MECOM: variants seen among roughly 807,000 people sequenced by gnomAD.
MECOM encodes the protein MDS1 and EVI1 complex locus, also known as histone-lysine N-methyltransferase MECOM.
A neutral mutation model predicts 116.3 loss-of-function variants in MECOM; 13 were observed. The ratio of observed to expected loss-of-function variants is 0.11; its 90% CI spans 0.07 to 0.18. The LOEUF (loss-of-function observed/expected upper bound fraction) is 0.18. MECOM is among the 10% of genes least tolerant of loss of function. MECOM has a pLI of 1.00. For synonymous variants in MECOM, 528 were observed against 535.2 expected (o/e 0.99, Z 0.19); for missense variants, 1,299 against 1,509.0 (o/e 0.86, Z 2.31).
chr3:169,202,171 T>A (rs1749246185), intron 2 of MECOM, among the ~76,000 whole-genome samples: 1 of 152,154 alleles, frequency 6.6e-6, no homozygotes, highest in South Asian at 2.1e-4. Flanking sequence ...TTGAAAACCA[T>A]GTGCTCAAAA....
At chr3:169,498,327 C>A (rs1018152150) in intron 1 of MECOM, among the ~76,000 whole-genome samples, 1 of 152,004 alleles carries the variant, frequency 6.6e-6, no homozygotes, top group Admixed American at 6.6e-5. Flanking sequence ...CCAAAATTGC[C>A]CCCTGTTCAA....
Position 169,116,598 on chromosome 3 carries a change from C to T in MECOM, c.1274G>A (p.Arg425Lys), listed in dbSNP as rs1320004856. 2 of 1,614,188 alleles carry T rather than the reference C, an allele frequency of 1.2e-6. No individual in the cohort carries two copies. The highest frequency in any genetic ancestry group is 8.5e-7 in the Non-Finnish European group (1 of 1,180,034). The stretch of plus-strand genomic sequence containing the variant: ...AAAATGGTTCTTGCCCTCACAAAAC[C>T]TCCTGTGTTTATTTAAGGAAGACGT... ...STTSSLNKHR[R>K]FCEGKNHFAA... is the part of the protein sequence containing the mutation. Residue 425 changes from arginine (R) to lysine (K), a missense_variant, in exon 8 of 17, where the codon AGG becomes AAG. By Grantham distance (26) the Arg-to-Lys change is conservative. This residue lies in a region of MECOM where 42 missense variants were observed against 103.9 expected (regional missense o/e 0.40). Coordinates refer to ENST00000651503, the MANE Select transcript of MECOM (RefSeq NM_004991.4).
intron 2 of MECOM, among the ~76,000 whole-genome samples, chr3:169,230,009 T>G (rs1255894451): frequency 6.6e-6 from 1 of 152,144 alleles, no homozygotes; most frequent in African/African-American, 2.4e-5. Flanking sequence ...CTTTCTTTAC[T>G]CCAATGTCAA....
intron 1 of MECOM, among the ~76,000 whole-genome samples, chr3:169,471,770 A>G (rs1199787328): frequency 6.6e-6 from 1 of 152,204 alleles, no homozygotes; most frequent in Non-Finnish European, 1.5e-5. Flanking sequence ...AAGCACTTCC[A>G]TGTCGTTTCC....
At chr3:169,529,790 G>C (rs569722023) in intron 1 of MECOM, among the ~76,000 whole-genome samples, 20 of 152,226 alleles carry the variant, frequency 1.3e-4, no homozygotes, top group African/African-American at 4.6e-4. Context: ...CTTTGTACTG[G>C]TCCAGCACCC....
intron 1 of MECOM, among the ~76,000 whole-genome samples, chr3:169,417,648 C>T (rs1159775838): frequency 1.3e-5 from 2 of 151,516 alleles, no homozygotes; most frequent in Non-Finnish European, 1.5e-5. Flanking sequence ...GCTATAAAGA[C>T]ACATGCACAC....
intron 1 of MECOM, among the ~76,000 whole-genome samples, chr3:169,648,953 T>G (rs1774519227): frequency 6.6e-6 from 1 of 152,204 alleles, no homozygotes; most frequent in South Asian, 2.1e-4. Flanking sequence ...AGAGAACTTG[T>G]TCTTGAACTG....
intron 2 of MECOM, among the ~76,000 whole-genome samples, chr3:169,177,879 A>G (rs1745395605): frequency 1.3e-5 from 2 of 151,842 alleles, no homozygotes; most frequent in Admixed American, 1.3e-4. Flanking sequence ...GATCCCAGCC[A>G]CTGCACTCCA....
chr3:169,653,363 G>GA (rs1775153016), intron 1 of MECOM, among the ~76,000 whole-genome samples: 1 of 152,016 alleles, frequency 6.6e-6, no homozygotes, highest in Non-Finnish European at 1.5e-5. Flanking sequence ...AGTTTACCTA[G>GA]AAAAATAAGA....
intron 2 of MECOM, among the ~76,000 whole-genome samples, chr3:169,332,820 A>G (rs919080723): frequency 9.2e-5 from 14 of 152,180 alleles, no homozygotes; most frequent in African/African-American, 3.4e-4. Flanking sequence ...TTTGTCTTAA[A>G]TAATTCAGAT....
intron 11 of MECOM, 50 bp downstream of exon 11, chr3:169,102,010 A>G: frequency 6.5e-7 from 1 of 1,549,776 alleles, no homozygotes; most frequent in Non-Finnish European, 8.7e-7. Flanking sequence ...ACCTTTTGAA[A>G]TCAGAGGGGA....
intron 3 of MECOM, among the ~76,000 whole-genome samples, chr3:169,141,226 A>G (rs1738013428): frequency 6.6e-6 from 1 of 152,036 alleles, no homozygotes. Context: ...TTTAGAGTCC[A>G]GGATTTATAC....
intron 2 of MECOM, among the ~76,000 whole-genome samples, chr3:169,154,367 G>C (rs1305226451): frequency 1.3e-5 from 2 of 152,032 alleles, no homozygotes; most frequent in African/African-American, 4.8e-5. Flanking sequence ...TTTTGCCCCT[G>C]TTGCCCAGAG....
At chr3:169,367,078 C>T (rs889314311) in intron 2 of MECOM, among the ~76,000 whole-genome samples, 1 of 152,024 alleles carries the variant, frequency 6.6e-6, no homozygotes, top group Non-Finnish European at 1.5e-5. Flanking sequence ...CAAATCCAGT[C>T]GCTGGGTAAC....
rs1178137550 is a variant in MECOM, at chr3:169,116,292, G to A, written c.1580C>T (p.Pro527Leu). 6 of 1,614,046 alleles carry A rather than the reference G, an allele frequency of 3.7e-6. No individual in the cohort carries two copies. Among genetic ancestry groups the A allele is most frequent in the Non-Finnish European group, 5.1e-6 (6 of 1,180,040 alleles). ...CAGTATCTGAGGATGTGTCATGAGG[G>A]GACTTTGACTTTTGTTTGTCTGTTC... ...STEQTNKSQS[P>L]LMTHPQILPA... Residue 527 changes from proline (P) to leucine (L), a missense_variant, in exon 8 of 17, where the codon CCC becomes CTC. This residue lies in a region of MECOM where 238 missense variants were observed against 273.1 expected (regional missense o/e 0.87). Coordinates refer to ENST00000651503, the MANE Select transcript of MECOM (RefSeq NM_004991.4).
intron 1 of MECOM, among the ~76,000 whole-genome samples, chr3:169,630,302 G>C (rs1771927896): frequency 6.6e-6 from 1 of 152,098 alleles, no homozygotes; most frequent in Non-Finnish European, 1.5e-5. Flanking sequence ...GGGTTTTCTG[G>C]CACCCAGTGA....
intron 2 of MECOM, among the ~76,000 whole-genome samples, chr3:169,301,321 A>T (rs1716675288): frequency 6.6e-6 from 1 of 152,248 alleles, no homozygotes; most frequent in African/African-American, 2.4e-5. Context: ...TCTGAATAGA[A>T]GGAAAATGTA....
chr3:169,203,059 C>A (rs556391542), intron 2 of MECOM, among the ~76,000 whole-genome samples: 1 of 152,210 alleles, frequency 6.6e-6, no homozygotes, highest in South Asian at 2.1e-4. Flanking sequence ...CACCTTTGGA[C>A]TATTTTAGCA....
intron 2 of MECOM, among the ~76,000 whole-genome samples, chr3:169,199,661 A>G (rs1343334562): frequency 2.0e-5 from 3 of 152,048 alleles, no homozygotes; most frequent in Non-Finnish European, 4.4e-5. Flanking sequence ...TTACACATGC[A>G]CAACACCATA....
Sources: gnomAD v4.1 joint callset for allele counts (sites outside exome capture counted in the v4.1 genomes callset) on GRCh38, gnomAD v4.1.1 for gene constraint, gnomAD v4.1.1 regional missense constraint, MANE v1.5 for transcripts, NCBI Gene and HGNC (gene_info 2026-07-23, HGNC 2026-07-21) for gene names.